The following TMEM132C variants were observed in gnomAD, a reference collection of about 807,000 sequenced individuals.
TMEM132C encodes protein phosphatase 1, regulatory subunit 152.
TMEM132C carries 29 observed loss-of-function variants against 61.4 expected under a neutral mutation model. The observed-to-expected ratio is 0.47, with a 90% CI of 0.35 to 0.64. The LOEUF is 0.64. TMEM132C is among the 30% of genes least tolerant of loss of function. TMEM132C has a pLI of 0.00. For synonymous variants in TMEM132C, 656 were observed against 633.1 expected (o/e 1.04, Z -0.54); for missense variants, 1,408 against 1,476.9 (o/e 0.95, Z 0.76).
chr12:128,474,842 C>A (rs1452880733), intron 2 of TMEM132C, among the ~76,000 whole-genome samples: 1 of 152,162 alleles, frequency 6.6e-6, no homozygotes, highest in African/African-American at 2.4e-5. Flanking sequence ...TCAGAAACAA[C>A]CTGCCCCTTT....
intron 2 of TMEM132C, among the ~76,000 whole-genome samples, chr12:128,423,443 G>A (rs1004771690): frequency 5.9e-5 from 9 of 152,224 alleles, no homozygotes. Context: ...ACAGGATGAA[G>A]GGTGGACACA....
chr12:128,436,382 A>G (rs1869590623), intron 2 of TMEM132C, among the ~76,000 whole-genome samples: 1 of 152,202 alleles, frequency 6.6e-6, no homozygotes, highest in African/African-American at 2.4e-5. Context: ...ATGGGAGAAA[A>G]TTTTTGCAAT....
chr12:128,550,334 G>A (rs1321494748), intron 3 of TMEM132C, among the ~76,000 whole-genome samples: 7 of 150,428 alleles, frequency 4.7e-5, no homozygotes, highest in South Asian at 2.1e-4. Context: ...ACAGGGTCTC[G>A]CTCTGTCACC....
intron 3 of TMEM132C, among the ~76,000 whole-genome samples, chr12:128,577,796 T>A (rs555299271): frequency 5.0e-4 from 76 of 152,318 alleles, no homozygotes; most frequent in Non-Finnish European, 9.1e-4. Flanking sequence ...CACTTCCAGT[T>A]AAGCAGGTAC....
At chr12:128,649,698 T>G (rs1226150720) in intron 4 of TMEM132C, among the ~76,000 whole-genome samples, 1 of 152,180 alleles carries the variant, frequency 6.6e-6, no homozygotes, top group African/African-American at 2.4e-5. Context: ...CTTGGCTAGG[T>G]TGAAAAAAAA....
intron 4 of TMEM132C, among the ~76,000 whole-genome samples, chr12:128,624,543 CAAAAAAAAAA>C (rs752979852): frequency 9.1e-5 from 3 of 32,900 alleles, no homozygotes; most frequent in Admixed American, 3.0e-4. Flanking sequence ...GACTCCATCT[CAAAAAAAAAA>C]AAAAAAAAAA....
intron 3 of TMEM132C, among the ~76,000 whole-genome samples, chr12:128,608,218 C>G (rs1191637945): frequency 6.6e-5 from 10 of 152,216 alleles, no homozygotes; most frequent in Admixed American, 6.5e-4. Flanking sequence ...GCATTAAGCT[C>G]TACACATGTG....
intron 2 of TMEM132C, among the ~76,000 whole-genome samples, chr12:128,543,280 C>A (rs1340429860): frequency 6.6e-6 from 1 of 152,198 alleles, no homozygotes; most frequent in Non-Finnish European, 1.5e-5. Context: ...TTGTTCTAAT[C>A]TCTTTACATC....
At chr12:128,633,309 G>C (rs1954077361) in intron 4 of TMEM132C, among the ~76,000 whole-genome samples, 1 of 152,178 alleles carries the variant, frequency 6.6e-6, no homozygotes. Context: ...CCCTGATTCA[G>C]TGTTGTAGGG....
intron 2 of TMEM132C, among the ~76,000 whole-genome samples, chr12:128,432,368 AG>A (rs1869422633): frequency 1.3e-5 from 2 of 152,362 alleles, no homozygotes; most frequent in African/African-American, 4.8e-5. Flanking sequence ...ATCTAAGCAA[AG>A]TAAATGGAAA....
At chr12:128,351,104 G>T (rs1873324407) in intron 1 of TMEM132C, among the ~76,000 whole-genome samples, 1 of 152,148 alleles carries the variant, frequency 6.6e-6, no homozygotes, top group Non-Finnish European at 1.5e-5. Context: ...GCTGTGTGGG[G>T]TCGTCCTGTA....
chr12:128,436,119 C>T (rs1157153401), intron 2 of TMEM132C, among the ~76,000 whole-genome samples: 1 of 152,062 alleles, frequency 6.6e-6, no homozygotes, highest in Non-Finnish European at 1.5e-5. Flanking sequence ...AAACTGGATC[C>T]CTTCCTTACA....
In TMEM132C at chr12:128,283,218, G is replaced by A. The variant is rs187759540; in HGVS notation, c.85+15731G>A. Reference sequence around the variant, plus strand: ...AATATCACAGGTTTGGCCAGTGGGAGCCATTTTATGACAACTTCTGTGTTG... The same window carrying A: ...AATATCACAGGTTTGGCCAGTGGGAACCATTTTATGACAACTTCTGTGTTG... On this transcript the variant is annotated intron_variant, in intron 1 of 8. Transcript: ENST00000435159. 1.4e-3 allele frequency among the ~76,000 whole-genome samples: 220 copies of A among 152,312 alleles called. 1 individual carries two copies. Among genetic ancestry groups the A allele is most frequent in the African/African-American group, 4.9e-3 (205 of 41,568 alleles).
At chr12:128,424,442 T>A (rs1869108948) in intron 2 of TMEM132C, among the ~76,000 whole-genome samples, 1 of 140,736 alleles carries the variant, frequency 7.1e-6, no homozygotes, top group East Asian at 2.1e-4. Context: ...CTTAAAAACA[T>A]GATGCTAAGT....
chr12:128,515,546 A>G (rs1213638424), intron 2 of TMEM132C, among the ~76,000 whole-genome samples: 4 of 152,194 alleles, frequency 2.6e-5, no homozygotes, highest in African/African-American at 9.6e-5. Context: ...AGTTGAAAGT[A>G]TCTTTGGCTC....
At chr12:128,613,685 C>T (rs1876709148) in intron 3 of TMEM132C, among the ~76,000 whole-genome samples, 1 of 152,166 alleles carries the variant, frequency 6.6e-6, no homozygotes, top group Non-Finnish European at 1.5e-5. Context: ...GGAAGATTCA[C>T]AAAACCCAGT....
intron 1 of TMEM132C, among the ~76,000 whole-genome samples, chr12:128,403,482 A>G (rs1231558729): frequency 6.6e-6 from 1 of 151,896 alleles, no homozygotes; most frequent in Non-Finnish European, 1.5e-5. Context: ...TCGCATGTGG[A>G]TATCACCCTT....
chr12:128,559,106 CACACACACAA>C (rs1307112889), intron 3 of TMEM132C, among the ~76,000 whole-genome samples: 2 of 151,190 alleles, frequency 1.3e-5, no homozygotes, highest in Middle Eastern at 3.4e-3. Flanking sequence ...AACACACACA[CACACACACAA>C]ACACACACAC....
chr12:128,309,471 C>T (rs533924356), intron 1 of TMEM132C, among the ~76,000 whole-genome samples: 15 of 152,286 alleles, frequency 9.8e-5, no homozygotes, highest in Admixed American at 7.8e-4. Context: ...CATCACATCT[C>T]TCTAGTTTCA....
Sources: allele counts gnomAD v4.1 joint callset (sites outside exome capture counted in the v4.1 genomes callset), GRCh38; gene constraint gnomAD v4.1.1; transcripts MANE v1.5; gene names NCBI Gene and HGNC (gene_info 2026-07-23, HGNC 2026-07-21).